DCHS2: variants seen among roughly 807,000 people sequenced by gnomAD.
DCHS2 encodes dachsous cadherin-related 2.
A neutral mutation model predicts 182.4 loss-of-function variants in DCHS2; 142 were observed. The observed-to-expected ratio is 0.78, with a 90% CI of 0.68 to 0.89. The LOEUF is 0.89. DCHS2 is among the 40% of genes least tolerant of loss of function. DCHS2 has a pLI of 0.00. For synonymous variants in DCHS2, 1,740 were observed against 1,663.3 expected (o/e 1.05, Z -1.12); for missense variants, 4,319 against 4,198.6 (o/e 1.03, Z -0.79).
chr4:154,275,464 T>C (rs1733811725), intron 13 of DCHS2, among the ~76,000 whole-genome samples: 2 of 152,164 alleles, frequency 1.3e-5, no homozygotes, highest in South Asian at 4.1e-4. Flanking sequence ...TTACCACACA[T>C]GTTGAGAACT....
intron 12 of DCHS2, among the ~76,000 whole-genome samples, chr4:154,302,776 G>C (rs1735252497): frequency 1.2e-5 from 1 of 80,700 alleles, no homozygotes; most frequent in African/African-American, 3.5e-5. Context: ...GTGACACAAG[G>C]GGAGGATGCC....
At chr4:154,403,944 C>G (rs116365583) in intron 1 of DCHS2, among the ~76,000 whole-genome samples, 3,745 of 152,088 alleles carry the variant, frequency 0.025, 95 homozygotes, top group Non-Finnish European at 0.036. Context: ...ACTTTCATTC[C>G]TGCTATTAAT....
chr4:154,369,051 T>G lies in DCHS2; in HGVS notation c.2245-2610A>C, dbSNP rs535783827. Among the ~76,000 whole-genome samples, 168 of 152,362 alleles carry G rather than the reference T, an allele frequency of 1.1e-3. 1 individual carries two copies. The highest frequency in any genetic ancestry group is 3.8e-3 in the African/African-American group (158 of 41,582). ...ATTTACTGTGCTAATGTATTACTTA[T>G]ATTACAAATATCAGAAAACTAAAAT... On this transcript the variant is annotated intron_variant, in intron 2 of 19. Transcript: ENST00000357232.
intron 1 of DCHS2, among the ~76,000 whole-genome samples, chr4:154,487,016 T>C (rs1397874091): frequency 6.6e-6 from 1 of 152,068 alleles, no homozygotes; most frequent in Admixed American, 6.6e-5. Flanking sequence ...TGGGATAAAC[T>C]CACACCTCAT....
intron 3 of DCHS2, among the ~76,000 whole-genome samples, chr4:154,342,639 A>T (rs1429971446): frequency 6.6e-6 from 1 of 152,186 alleles, no homozygotes; most frequent in Non-Finnish European, 1.5e-5. Flanking sequence ...ATTCCTCATT[A>T]GTTTAAGTGT....
intron 19 of DCHS2, among the ~76,000 whole-genome samples, chr4:154,238,424 G>C (rs973670917): frequency 6.6e-6 from 1 of 152,070 alleles, no homozygotes; most frequent in African/African-American, 2.4e-5. Context: ...ATGTCTCCCA[G>C]GCCCTGTTAT....
rs1259396357 is a variant in DCHS2 at position 154,325,345 on chromosome 4, GTGTGTGTGTGTGTGTA to G, written c.4018+2732_4018+2747del. Among the ~76,000 whole-genome samples the G allele has an allele frequency of 4.8e-5, 6 of 124,244 alleles. No homozygotes were observed. The Admixed American group carries it at 4.9e-4, about 10-fold the overall frequency. The allele number at this position is 124,244 out of a possible 152,430, so 81.5% of individuals were successfully genotyped here. A position where few individuals can be genotyped will look rare whatever the true frequency, so the allele number is the denominator to read the frequency against. ...TGTGTGTGTGTGTGTGTGTGTGTGT[GTGTGTGTGTGTGTGTA>G]TTTTCCCTCTTCACAATCATTGTCC... On this transcript the variant is annotated intron_variant, in intron 7 of 19. Transcript: ENST00000357232.
intron 1 of DCHS2, among the ~76,000 whole-genome samples, chr4:154,379,316 G>C (rs541815134): frequency 6.6e-6 from 1 of 152,330 alleles, no homozygotes; most frequent in East Asian, 1.9e-4. Flanking sequence ...GCCGTGCTCA[G>C]CTCACATTCC....
At chr4:154,289,303 G>A (rs1342431982) in intron 13 of DCHS2, among the ~76,000 whole-genome samples, 1 of 151,964 alleles carries the variant, frequency 6.6e-6, no homozygotes, top group African/African-American at 2.4e-5. Flanking sequence ...TGGCTACTAT[G>A]AACAATTATA....
intron 1 of DCHS2, among the ~76,000 whole-genome samples, chr4:154,463,900 CAT>C (rs761038773): frequency 9.2e-5 from 14 of 152,200 alleles, no homozygotes; most frequent in South Asian, 8.3e-4. Context: ...TACTAAAAAA[CAT>C]GTGTAAAAAT....
intron 10 of DCHS2, among the ~76,000 whole-genome samples, chr4:154,307,279 C>T (rs1209241939): frequency 6.6e-6 from 1 of 152,122 alleles, no homozygotes; most frequent in Admixed American, 6.6e-5. Flanking sequence ...ATTCTATCAC[C>T]TCACTGAGCA....
In DCHS2 at chr4:154,354,207, T is replaced by C. The variant is rs184732844; in HGVS notation, c.2476+12003A>G. Among the ~76,000 whole-genome samples, 12 of 152,352 alleles carry C rather than the reference T, an allele frequency of 7.9e-5. No individual in the cohort carries two copies. The East Asian group carries it at 2.3e-3, about 29-fold the overall frequency. On this transcript the variant is annotated intron_variant, in intron 3 of 19. Coordinates refer to ENST00000357232, the MANE Select transcript of DCHS2 (RefSeq NM_001358235.2). Reference sequence around the variant, plus strand: ...TCCCAAAGTGTTAGGATTACAGGTGTGAGCCACTGCACCCGGCTTGAAGAT... The same window carrying C: ...TCCCAAAGTGTTAGGATTACAGGTGCGAGCCACTGCACCCGGCTTGAAGAT...
intron 1 of DCHS2, among the ~76,000 whole-genome samples, chr4:154,394,503 C>T (rs796242702): frequency 1.2e-4 from 18 of 152,292 alleles, no homozygotes; most frequent in African/African-American, 4.1e-4. Context: ...GAACATCCAA[C>T]AGGAATATCT....
intron 1 of DCHS2, among the ~76,000 whole-genome samples, chr4:154,393,994 T>A (rs1054178419): frequency 1.3e-5 from 2 of 152,152 alleles, no homozygotes; most frequent in African/African-American, 2.4e-5. Flanking sequence ...TAAGTAAGAT[T>A]TATCATGCAG....
chr4:154,234,473 T>C lies in DCHS2; in HGVS notation c.*63A>G, dbSNP rs1049112791. ...TGAGCCCAATCTCGAGTTGCTGGCTTGAAAACATTTTGTTCATTCATTCAT... is the reference window on the plus strand; with the variant it reads ...TGAGCCCAATCTCGAGTTGCTGGCTCGAAAACATTTTGTTCATTCATTCAT... On this transcript the variant is annotated 3_prime_UTR_variant, in exon 20 of 20. Coordinates refer to ENST00000357232, the MANE Select transcript of DCHS2 (RefSeq NM_001358235.2). 9 of 1,457,190 alleles carry C rather than the reference T, an allele frequency of 6.2e-6. No individual in the cohort carries two copies. In the Admixed American group the frequency reaches 2.4e-4, roughly 39 times the overall value. The allele number at this position is 1,457,190 out of a possible 1,614,324, so 90.3% of individuals were successfully genotyped here. A position where few individuals can be genotyped will look rare whatever the true frequency, so the allele number is the denominator to read the frequency against.
At position 154,259,639 on chromosome 4, in the gene DCHS2, A is replaced by G. The variant is rs1255189175; in HGVS notation, c.6695T>C (p.Ile2232Thr). ...TGGTGAATTATCATTCTCATCCTGT[A>G]TCAAGACTGCTACTTTGCAATAGGC... ...HRAYCKVAVL[I>T]QDENDNSPCF... The change falls in exon 15 of 20, where the codon ATA (isoleucine) becomes ACA (threonine). Residue 2232 changes from isoleucine to threonine, a missense_variant. Physicochemically the swap from Ile to Thr is moderately conservative, Grantham distance 89. Transcript: ENST00000357232. The G allele has an allele frequency of 3.1e-6, 5 of 1,614,072 alleles. No individual in the cohort carries two copies. Among genetic ancestry groups the G allele is most frequent in the Non-Finnish European group, 4.2e-6 (5 of 1,180,020 alleles).
chr4:154,280,896 C>T (rs988936356), intron 13 of DCHS2, among the ~76,000 whole-genome samples: 3 of 151,282 alleles, frequency 2.0e-5, no homozygotes, highest in South Asian at 2.1e-4. Context: ...GGCATGATCT[C>T]GGTTCACTGC....
At chr4:154,318,204 A>G (rs1735929268) in intron 9 of DCHS2, among the ~76,000 whole-genome samples, 4 of 151,466 alleles carry the variant, frequency 2.6e-5, no homozygotes, top group Admixed American at 2.6e-4. Flanking sequence ...TCTATTTTAT[A>G]TATATATGCA....
intron 1 of DCHS2, among the ~76,000 whole-genome samples, chr4:154,463,694 C>T (rs1177382109): frequency 4.7e-4 from 2 of 4,266 alleles, no homozygotes; most frequent in African/African-American, 5.1e-4. Context: ...TCTCTCTTTT[C>T]TCTCTCTCTC....
Sources: allele counts gnomAD v4.1 joint callset (sites outside exome capture counted in the v4.1 genomes callset), GRCh38; gene constraint gnomAD v4.1.1; transcripts MANE v1.5; gene names NCBI Gene and HGNC (gene_info 2026-07-23, HGNC 2026-07-21).